The following ADAMTS12 variants were observed in gnomAD, a reference collection of about 807,000 sequenced individuals.
ADAMTS12 encodes the protein A disintegrin and metalloproteinase with thrombospondin motifs 12.
In ADAMTS12, 118 loss-of-function variants were observed where a neutral mutation model predicts 167.8. That is an observed-to-expected ratio of 0.70 (90% CI 0.61 to 0.82). The LOEUF is 0.82. Ranked by LOEUF, ADAMTS12 falls within the 40% of genes least tolerant of loss-of-function variation. The probability of loss-of-function intolerance (pLI) is 0.00; values close to 1 mark genes in which losing one functional copy is unlikely to be tolerated. For missense variants in ADAMTS12, 1,916 were observed against 1,998.8 expected (o/e 0.96, Z 0.79); for synonymous variants, 704 against 716.9 (o/e 0.98, Z 0.29).
Position 33,537,426 on chromosome 5 carries a change from T to A in ADAMTS12, c.4447-2434A>T, listed in dbSNP as rs78980625. Among the ~76,000 whole-genome samples the A allele has an allele frequency of 2.9e-3, 439 of 152,364 alleles. 4 individuals are homozygous for A. Among genetic ancestry groups the A allele is most frequent in the African/African-American group, 0.01 (424 of 41,588 alleles). Reference sequence around the variant, plus strand: ...CCTACTGGAGGCCTGTGAGTTGGCATGTGGCCTTGGGCATGTGAGACCAAA... The same window carrying A: ...CCTACTGGAGGCCTGTGAGTTGGCAAGTGGCCTTGGGCATGTGAGACCAAA... On this transcript the variant is annotated intron_variant, in intron 22 of 23. Coordinates refer to ENST00000504830, the MANE Select transcript of ADAMTS12 (RefSeq NM_030955.4).
chr5:33,605,580 T>A (rs548370768), intron 16 of ADAMTS12, among the ~76,000 whole-genome samples: 1 of 152,288 alleles, frequency 6.6e-6, no homozygotes, highest in East Asian at 1.9e-4. Flanking sequence ...TGATGTTGAA[T>A]AAAGTTCTGA....
Position 33,614,275 on chromosome 5 carries a change from G to T in ADAMTS12, c.2490C>A (p.Tyr830Ter). ...DVEQQMYFWQ[Y>*]GHWTECSVTC... ...TCACACTGCACTCTGTCCAGTGGCC[G>T]TACTGCCAGAAGTACATCTGCTGCT... is the stretch of plus-strand genomic sequence containing the variant. Residue 830 changes from tyrosine to a stop codon, truncating the protein, a stop_gained, in exon 16 of 24, where the codon TAC (tyrosine) becomes TAA (stop). Transcript: ENST00000504830. LOFTEE classifies it high-confidence loss of function. 2.5e-6 allele frequency: 4 copies of T among 1,613,982 alleles called. No homozygotes were observed. The highest frequency in any genetic ancestry group is 3.4e-6 in the Non-Finnish European group (4 of 1,179,954).
In ADAMTS12 at chr5:33,577,063, C is replaced by T. The variant is rs755107170; in HGVS notation, c.2963G>A (p.Arg988Gln). Residue 988 changes from arginine (R) to glutamine (Q), a missense_variant, in exon 19 of 24, where the codon CGA (arginine) becomes CAA (glutamine). Transcript: ENST00000504830. ...GCATTGCTGGAGGCCACACAGAGCT[C>T]GGCTGTTGGGTTTCCTTGTCACATC... ...PCDVTRKPNS[R>Q]ALCGLQQCPS... is the part of the protein sequence containing the mutation. 11 of 1,613,994 alleles carry T rather than the reference C, an allele frequency of 6.8e-6. No homozygotes were observed. Among genetic ancestry groups the T allele is most frequent in the Middle Eastern group, 1.6e-4 (1 of 6,084 alleles).
At chr5:33,853,654 C>T (rs1749297368) in intron 2 of ADAMTS12, among the ~76,000 whole-genome samples, 1 of 152,226 alleles carries the variant, frequency 6.6e-6, no homozygotes, top group African/African-American at 2.4e-5. Context: ...AGAGCAGCAT[C>T]ATTCCCTGCT....
intron 22 of ADAMTS12, among the ~76,000 whole-genome samples, chr5:33,540,664 C>G (rs545149240): frequency 6.6e-6 from 1 of 152,368 alleles, no homozygotes; most frequent in East Asian, 1.9e-4. Flanking sequence ...TGCTCTGCAG[C>G]CTCTGCTGGT....
chr5:33,613,568 C>T (rs944153630), intron 16 of ADAMTS12, among the ~76,000 whole-genome samples: 1 of 152,176 alleles, frequency 6.6e-6, no homozygotes, highest in African/African-American at 2.4e-5. Flanking sequence ...ACGGGGCAAG[C>T]TGGAAGCCAT....
chr5:33,712,351 A>T (rs1473227696), intron 3 of ADAMTS12, among the ~76,000 whole-genome samples: 1 of 152,202 alleles, frequency 6.6e-6, no homozygotes, highest in Non-Finnish European at 1.5e-5. Context: ...CTCAAGAAGT[A>T]AAATGCTTTC....
At chr5:33,537,072 G>A (rs1353509270) in intron 22 of ADAMTS12, among the ~76,000 whole-genome samples, 1 of 152,182 alleles carries the variant, frequency 6.6e-6, no homozygotes, top group Non-Finnish European at 1.5e-5. Context: ...GATCCAATCT[G>A]CCATAATGTT....
intron 2 of ADAMTS12, among the ~76,000 whole-genome samples, chr5:33,806,192 A>G (rs1747222736): frequency 6.6e-6 from 1 of 152,242 alleles, no homozygotes; most frequent in South Asian, 2.1e-4. Context: ...TGTTGTAAGC[A>G]TTTAATGAAA....
At chr5:33,545,276 G>C (rs544533002) in intron 22 of ADAMTS12, among the ~76,000 whole-genome samples, 1 of 152,260 alleles carries the variant, frequency 6.6e-6, no homozygotes, top group South Asian at 2.1e-4. Context: ...ATCATCACTG[G>C]TCATCAGAGA....
intron 7 of ADAMTS12, 105 bp downstream of exon 7, chr5:33,658,079 C>G: frequency 7.1e-7 from 1 of 1,406,986 alleles, no homozygotes; most frequent in Non-Finnish European, 9.8e-7. Flanking sequence ...ACAGTATAAT[C>G]TGAGTCTCCT....
intron 5 of ADAMTS12, among the ~76,000 whole-genome samples, chr5:33,671,125 T>C (rs914620681): frequency 6.6e-6 from 1 of 152,230 alleles, no homozygotes; most frequent in Non-Finnish European, 1.5e-5. Context: ...AGATGTATTA[T>C]CACAGAGCAG....
intron 5 of ADAMTS12, among the ~76,000 whole-genome samples, chr5:33,673,621 T>TCAAATCCATC (rs1273488348): frequency 6.6e-6 from 1 of 152,156 alleles, no homozygotes; most frequent in African/African-American, 2.4e-5. Flanking sequence ...CAGGCCCTCT[T>TCAAATCCATC]CAAATCCATC....
intron 3 of ADAMTS12, among the ~76,000 whole-genome samples, chr5:33,720,729 C>T (rs886907096): frequency 3.9e-5 from 6 of 152,186 alleles, no homozygotes; most frequent in Non-Finnish European, 7.3e-5. Context: ...CCAACTGAAA[C>T]CCTTATACAC....
At chr5:33,547,597 A>G (rs982998259) in intron 21 of ADAMTS12, among the ~76,000 whole-genome samples, 5 of 152,150 alleles carry the variant, frequency 3.3e-5, no homozygotes, top group Non-Finnish European at 4.4e-5. Flanking sequence ...ACTGACTTTT[A>G]CATTTTCTAT....
At chr5:33,814,306 A>G (rs1747570784) in intron 2 of ADAMTS12, among the ~76,000 whole-genome samples, 1 of 152,198 alleles carries the variant, frequency 6.6e-6, no homozygotes, top group African/African-American at 2.4e-5. Flanking sequence ...CTTTTTTTCC[A>G]TATAGATATC....
At chr5:33,869,573 GC>G (rs1554048926) in intron 2 of ADAMTS12, among the ~76,000 whole-genome samples, 6 of 152,134 alleles carry the variant, frequency 3.9e-5, no homozygotes, top group Non-Finnish European at 8.8e-5. Flanking sequence ...GTTCTGTGAT[GC>G]CCCCTGAGCC....
At chr5:33,858,242 A>C (rs898125831) in intron 2 of ADAMTS12, among the ~76,000 whole-genome samples, 1 of 152,024 alleles carries the variant, frequency 6.6e-6, no homozygotes, top group African/African-American at 2.4e-5. Flanking sequence ...TCAAAGAAAA[A>C]GTCTCAAACA....
At position 33,588,635 on chromosome 5, in the gene ADAMTS12, C is replaced by T; in HGVS notation, c.2829G>A (p.Leu943=). 1 of 1,614,140 alleles carries T rather than the reference C, an allele frequency of 6.2e-7. No individual in the cohort carries two copies. The highest frequency in any genetic ancestry group is 8.5e-7 in the Non-Finnish European group (1 of 1,180,026). Residue 943 remains leucine, a synonymous_variant, in exon 18 of 24, where the codon CTG becomes CTA. Coordinates refer to ENST00000504830, the MANE Select transcript of ADAMTS12 (RefSeq NM_030955.4). ...TGCCCACTGTCCAGTCCGAGGGGCA[C>T]AGGATGTCTCTGTTGCAGGAAAGGA... ...KTLLSCNRDI[L]CPSDWTVGNW...
Sources: allele counts gnomAD v4.1 joint callset (sites outside exome capture counted in the v4.1 genomes callset), GRCh38; gene constraint gnomAD v4.1.1; transcripts MANE v1.5; gene names NCBI Gene and HGNC (gene_info 2026-07-23, HGNC 2026-07-21).